Variants in NLRP1 observed in about 807,000 individuals in gnomAD.
NLRP1 encodes NACHT, LRR and PYD domains-containing protein 1.
NLRP1 carries 94 observed loss-of-function variants against 136.7 expected under a neutral mutation model. That is an observed-to-expected ratio of 0.69 (90% CI 0.58 to 0.82). NLRP1 has a LOEUF of 0.82. Ranked by LOEUF, NLRP1 falls within the 40% of genes least tolerant of loss-of-function variation. The pLI, the probability that NLRP1 is intolerant of heterozygous loss-of-function variation, is 0.00. For missense variants in NLRP1, 1,575 were observed against 1,802.7 expected, an observed-to-expected ratio of 0.87 and a Z score of 2.29; for synonymous variants, 690 against 725.1, an observed-to-expected ratio of 0.95 and a Z score of 0.78.
chr17:5,565,245 A>C (rs560497502), intron 3 of NLRP1, among the ~76,000 whole-genome samples: 5 of 152,148 alleles, frequency 3.3e-5, no homozygotes, highest in Admixed American at 6.5e-5. Context: ...GTGATGTTGA[A>C]TGCCTTTTCA....
At chr17:5,578,662 GGGAC>G (rs1434073102) in intron 3 of NLRP1, among the ~76,000 whole-genome samples, 1 of 152,200 alleles carries the variant, frequency 6.6e-6, no homozygotes, top group Non-Finnish European at 1.5e-5. Flanking sequence ...CACTGTTGGT[GGGAC>G]TGTAAACTGG....
At chr17:5,555,277 A>T (rs139188542) in intron 4 of NLRP1, among the ~76,000 whole-genome samples, 1,540 of 152,152 alleles carry the variant, frequency 0.01, 6 homozygotes, top group Non-Finnish European at 0.015. Context: ...CATTTCTTTA[A>T]TATCTCTGGT....
At chr17:5,551,159 C>T (rs760866367) in intron 5 of NLRP1, among the ~76,000 whole-genome samples, 2 of 152,154 alleles carry the variant, frequency 1.3e-5, no homozygotes, top group Middle Eastern at 3.2e-3. Context: ...AATAGTTTCA[C>T]TGCCCTAAAA....
At chr17:5,512,234 C>CATAG, downstream of NLRP1, 1 of 1,504,726 alleles carries the variant, frequency 6.6e-7, no homozygotes, top group East Asian at 2.2e-5. Flanking sequence ...CTACCATCAG[C>CATAG]ATAGAGTCCT....
In NLRP1 at chr17:5,569,976, A is replaced by G. The variant is rs1915702212; in HGVS notation, c.653-9933T>C. 2.6e-5 allele frequency among the ~76,000 whole-genome samples: 4 copies of G among 152,152 alleles called. No homozygotes were observed. The South Asian group carries it at 8.3e-4, about 31-fold the overall frequency. On this transcript the variant is annotated intron_variant, in intron 3 of 16. Transcript: ENST00000572272. ...TACTAAGAAGATAGCTCAGAACCAT[A>G]CAATTCATGGAAATTAAACAACCTG...
At chr17:5,556,424 A>G (rs1914085286) in intron 4 of NLRP1, among the ~76,000 whole-genome samples, 1 of 151,176 alleles carries the variant, frequency 6.6e-6, no homozygotes, top group South Asian at 2.1e-4. Context: ...ACTGCACTCC[A>G]GCCTAGGGGA....
Position 5,537,470 on chromosome 17 carries a change from T to C in NLRP1, c.2871-530A>G, listed in dbSNP as rs1368071880. The stretch of plus-strand genomic sequence containing the variant: ...GGAAGAGAGAGTCCTGGTTCCATCC[T>C]CCCAGGCCTTGTGGTCTGGGGTTTC... On this transcript the variant is annotated intron_variant, in intron 7 of 16. Coordinates refer to ENST00000572272, the MANE Select transcript of NLRP1 (RefSeq NM_033004.4). This position sits in a 1 kb window ranked among gnomAD's most constrained non-coding sequence, Gnocchi z 4.5. Among the ~76,000 whole-genome samples, 1 of 152,158 alleles carries C rather than the reference T, an allele frequency of 6.6e-6. No individual in the cohort carries two copies. Among genetic ancestry groups the C allele is most frequent in the Non-Finnish European group, 1.5e-5 (1 of 68,018 alleles).
chr17:5,524,953 C>G (rs1343635232), intron 12 of NLRP1, among the ~76,000 whole-genome samples: 2 of 152,112 alleles, frequency 1.3e-5, no homozygotes, highest in Admixed American at 6.5e-5. Context: ...ACTGCCCTTT[C>G]CATAGATTGT....
intron 3 of NLRP1, among the ~76,000 whole-genome samples, chr17:5,564,904 AT>A (rs1915170635): frequency 6.6e-6 from 1 of 151,790 alleles, no homozygotes; most frequent in South Asian, 2.1e-4. Context: ...CACCTGGCTA[AT>A]TTTTTGTGTT....
intron 11 of NLRP1, 52 bp from the exon 12 acceptor site, chr17:5,530,756 C>T (rs781764400): frequency 2.8e-6 from 4 of 1,434,550 alleles, no homozygotes; most frequent in Admixed American, 3.4e-5. Context: ...CACTGAGCAC[C>T]TGCTGGATGC....
At chr17:5,542,079 C>G in intron 5 of NLRP1, 52 bp from the exon 6 acceptor site, 1 of 1,558,516 alleles carries the variant, frequency 6.4e-7, no homozygotes, top group Non-Finnish European at 8.7e-7. Flanking sequence ...GTTGATTCAA[C>G]AGACACCCAT....
chr17:5,511,495 T>C (rs9910769), downstream of NLRP1, among the ~76,000 whole-genome samples: 48,636 of 150,808 alleles, frequency 0.32, 8,438 homozygotes, highest in African/African-American at 0.45. Context: ...GTCTCCCCCA[T>C]CCCCACACAC....
In NLRP1 at chr17:5,530,490, C is replaced by G. The variant is rs765372140; in HGVS notation, c.3511G>C (p.Ala1171Pro). Reference protein sequence around the residue: ...VEAVHLPHFVALQGGHVDTSL... With the variant: ...VEAVHLPHFVPLQGGHVDTSL... The stretch of plus-strand genomic sequence containing the variant: ...CTTCCCTGTTGTTTACCTTGGAGAG[C>G]CACAAAGTGAGGGAGGTGCACAGCT... Residue 1171 changes from alanine (A) to proline (P), a missense_variant, in exon 12 of 17, where the codon GCT becomes CCT. Ala to Pro is a conservative substitution (Grantham distance 27). Transcript: ENST00000572272. 1.9e-6 allele frequency: 3 copies of G among 1,613,882 alleles called. No individual in the cohort carries two copies. The highest frequency in any genetic ancestry group is 8.5e-7 in the Non-Finnish European group (1 of 1,179,874).
rs754976236 is a variant in NLRP1 at position 5,541,836 on chromosome 17, C to T, written c.2699+21G>A. On this transcript the variant is annotated intron_variant, in intron 6 of 16. Transcript: ENST00000572272. The surrounding 1 kb of genome is among the most constrained non-coding windows in gnomAD (Gnocchi z 4.2). ...GGCAGGCAGTTCCCTCCACCTCCCC[C>T]TGCCCACCAAGAACAATTACTGCAG... The T allele has an allele frequency of 6.2e-7, 1 of 1,612,744 alleles. No individual in the cohort carries two copies. Among genetic ancestry groups the T allele is most frequent in the Non-Finnish European group, 8.5e-7 (1 of 1,179,544 alleles).
Position 5,517,771 on chromosome 17 carries a change from C to T in NLRP1, c.4032G>A (p.Leu1344=). 1 of 1,614,226 alleles carries T rather than the reference C, an allele frequency of 6.2e-7. No homozygotes were observed. The highest frequency in any genetic ancestry group is 2.2e-5 in the East Asian group (1 of 44,882). ...CTGGTTTCACCAAGGCCTCCCACACCAGAGTCTCATCTTTCTTGTCTTTCA... is the reference window on the plus strand; with the variant it reads ...CTGGTTTCACCAAGGCCTCCCACACTAGAGTCTCATCTTTCTTGTCTTTCA... The part of the protein sequence containing the change: ...LQVKDKKDET[L]VWEALVKPGD... Residue 1344 remains leucine, a synonymous_variant, in exon 15 of 17, where the codon CTG becomes CTA. Transcript: ENST00000572272.
chr17:5,580,263 CAACA>C (rs1905480596), intron 3 of NLRP1, among the ~76,000 whole-genome samples: 1 of 151,826 alleles, frequency 6.6e-6, no homozygotes, highest in Admixed American at 6.6e-5. Context: ...AAACAAAAAA[CAACA>C]AACAAAAAAC....
At chr17:5,501,693 T>A in exon 16 of NLRP1, 4 of 731,792 alleles carry the variant, frequency 5.5e-6, no homozygotes, top group Non-Finnish European at 7.2e-6. Flanking sequence ...TAAGAACAAA[T>A]CCTTCAAAGA....
rs1911237788 is a variant in NLRP1 at position 5,537,468 on chromosome 17, C to A, written c.2871-528G>T. Among the ~76,000 whole-genome samples the A allele has an allele frequency of 6.6e-6, 1 of 152,160 alleles. No individual in the cohort carries two copies. Among genetic ancestry groups the A allele is most frequent in the Admixed American group, 6.5e-5 (1 of 15,280 alleles). ...TGGGAAGAGAGAGTCCTGGTTCCAT[C>A]CTCCCAGGCCTTGTGGTCTGGGGTT... On this transcript the variant is annotated intron_variant, in intron 7 of 16. Coordinates refer to ENST00000572272, the MANE Select transcript of NLRP1 (RefSeq NM_033004.4). This position sits in a 1 kb window ranked among gnomAD's most constrained non-coding sequence, Gnocchi z 4.5.
rs1911836636 is a variant in NLRP1, at chr17:5,541,297, C to T, written c.2699+560G>A. Among the ~76,000 whole-genome samples the T allele has an allele frequency of 2.0e-5, 3 of 152,144 alleles. 1 individual carries two copies. The highest frequency in any genetic ancestry group is 4.1e-4 in the South Asian group (2 of 4,828). ...CTGACCTCAAGTGATCTGCCTGCCTCGACCTCCCAAAGTGCTGGGATGACA... is the reference window on the plus strand; with the variant it reads ...CTGACCTCAAGTGATCTGCCTGCCTTGACCTCCCAAAGTGCTGGGATGACA... On this transcript the variant is annotated intron_variant, in intron 6 of 16. Coordinates refer to ENST00000572272, the MANE Select transcript of NLRP1 (RefSeq NM_033004.4). The surrounding 1 kb of genome is among the most constrained non-coding windows in gnomAD (Gnocchi z 4.2).
Sources: gnomAD v4.1 joint callset for allele counts (sites outside exome capture counted in the v4.1 genomes callset) on GRCh38, gnomAD v4.1.1 for gene constraint, Gnocchi (gnomAD v3.1) non-coding constraint, MANE v1.5 for transcripts, NCBI Gene and HGNC (gene_info 2026-07-23, HGNC 2026-07-21) for gene names.